The following GALNT13 variants were observed in gnomAD, a reference collection of about 807,000 sequenced individuals.
GALNT13 encodes the protein UDP-GalNAc:polypeptide N-acetylgalactosaminyltransferase 13.
GALNT13 carries 28 observed loss-of-function variants against 64.2 expected under a neutral mutation model. The observed-to-expected ratio is 0.44, with a 90% CI of 0.32 to 0.60. The LOEUF is 0.60. Ranked by LOEUF, GALNT13 falls within the 20% of genes least tolerant of loss-of-function variation. The pLI is 0.05. For missense variants in GALNT13, 577 were observed against 669.8 expected (o/e 0.86, Z 1.53); for synonymous variants, 214 against 224.6 (o/e 0.95, Z 0.42).
chr2:153,727,399 TGGTAC>T, the GALNT13 span, among the ~76,000 whole-genome samples: 2 of 152,238 alleles, frequency 1.3e-5, no homozygotes, highest in East Asian at 1.9e-4. Context: ...TTGATGCATT[TGGTAC>T]TTTTTTTTAT....
the GALNT13 span, among the ~76,000 whole-genome samples, chr2:153,137,284 A>C: frequency 6.6e-6 from 1 of 152,078 alleles, no homozygotes; most frequent in Non-Finnish European, 1.5e-5. Flanking sequence ...GCAACTTGAT[A>C]TTTCTTATAT....
chr2:154,142,184 C>T (rs369838402), intron 4 of GALNT13, among the ~76,000 whole-genome samples: 5 of 152,116 alleles, frequency 3.3e-5, no homozygotes, highest in African/African-American at 1.2e-4. Context: ...GGCTACATTA[C>T]ACTACTGTGT....
the GALNT13 span, among the ~76,000 whole-genome samples, chr2:153,696,690 T>G: frequency 6.6e-6 from 1 of 152,258 alleles, no homozygotes; most frequent in East Asian, 1.9e-4. Flanking sequence ...CAAAATACGT[T>G]TGGACTGCAG....
At chr2:153,653,352 A>T in the GALNT13 span, among the ~76,000 whole-genome samples, 8 of 152,150 alleles carry the variant, frequency 5.3e-5, no homozygotes, top group African/African-American at 1.9e-4. Flanking sequence ...AAATGGCGAG[A>T]CCTTCATAAA....
chr2:153,405,412 G>A, the GALNT13 span, among the ~76,000 whole-genome samples: 1 of 152,154 alleles, frequency 6.6e-6, no homozygotes, highest in South Asian at 2.1e-4. Context: ...GTATCTTCAT[G>A]CCTTTGCATC....
chr2:153,997,743 A>T (rs973637195), intron 3 of GALNT13, among the ~76,000 whole-genome samples: 1 of 152,098 alleles, frequency 6.6e-6, no homozygotes. Context: ...TGCTGCACCC[A>T]TCAACCTGTC....
the GALNT13 span, among the ~76,000 whole-genome samples, chr2:153,605,764 G>A: frequency 2.2e-4 from 33 of 152,232 alleles, no homozygotes; most frequent in African/African-American, 7.7e-4. Context: ...GTTGGTCAGA[G>A]TTTTGAAAAT....
chr2:154,042,950 G>A (rs1699065869), intron 3 of GALNT13, among the ~76,000 whole-genome samples: 2 of 152,044 alleles, frequency 1.3e-5, no homozygotes, highest in Admixed American at 1.3e-4. Context: ...TGGAGAAATA[G>A]TGAAGGGTGG....
intron 3 of GALNT13, among the ~76,000 whole-genome samples, chr2:153,996,793 G>T (rs1164506542): frequency 3.3e-5 from 5 of 151,928 alleles, no homozygotes; most frequent in Admixed American, 6.6e-5. Flanking sequence ...TAATAGTTTT[G>T]TAGTTACAGG....
chr2:154,079,881 C>T (rs957155638), intron 3 of GALNT13, among the ~76,000 whole-genome samples: 1 of 151,516 alleles, frequency 6.6e-6, no homozygotes, highest in Non-Finnish European at 1.5e-5. Flanking sequence ...CTTTGCCCCT[C>T]CATTGGAGAA....
intron 9 of GALNT13, among the ~76,000 whole-genome samples, chr2:154,393,955 G>A (rs1203739819): frequency 1.3e-5 from 2 of 149,062 alleles, no homozygotes; most frequent in Non-Finnish European, 3.0e-5. Context: ...GCGGGCGCCT[G>A]TAGTCCCAGC....
the GALNT13 span, among the ~76,000 whole-genome samples, chr2:153,582,451 G>A: frequency 6.6e-6 from 1 of 152,078 alleles, no homozygotes; most frequent in Non-Finnish European, 1.5e-5. Context: ...ACTTGGTAAT[G>A]AGTAAAATTC....
the GALNT13 span, among the ~76,000 whole-genome samples, chr2:153,793,070 C>A: frequency 6.8e-6 from 1 of 147,448 alleles, no homozygotes; most frequent in African/African-American, 2.5e-5. Context: ...CTCCTGGGTT[C>A]AAGTGATTGT....
the GALNT13 span, among the ~76,000 whole-genome samples, chr2:153,317,284 A>C: frequency 1.4e-4 from 21 of 152,148 alleles, no homozygotes; most frequent in African/African-American, 5.1e-4. Context: ...TTGAAGAGAC[A>C]CTTTATCATT....
At chr2:153,472,882 C>T in the GALNT13 span, among the ~76,000 whole-genome samples, 2 of 152,116 alleles carry the variant, frequency 1.3e-5, no homozygotes, top group African/African-American at 4.8e-5. Flanking sequence ...AAAATACATG[C>T]AGGAACATGG....
chr2:154,300,169 C>G (rs1693356494), intron 8 of GALNT13, among the ~76,000 whole-genome samples: 2 of 133,770 alleles, frequency 1.5e-5, no homozygotes, highest in African/African-American at 5.6e-5. Flanking sequence ...GGCGCGTGAT[C>G]TCGGCTCACT....
chr2:153,359,472 C>G, the GALNT13 span, among the ~76,000 whole-genome samples: 1 of 150,650 alleles, frequency 6.6e-6, no homozygotes, highest in Admixed American at 6.6e-5. Flanking sequence ...ACAGGAAAAA[C>G]AGTCAGACTT....
chr2:153,110,283 T>C, the GALNT13 span, among the ~76,000 whole-genome samples: 2 of 152,114 alleles, frequency 1.3e-5, no homozygotes, highest in African/African-American at 4.8e-5. Context: ...GATAGCTTAA[T>C]AGTGGATATA....
At chr2:153,644,952 C>T in the GALNT13 span, among the ~76,000 whole-genome samples, 7 of 152,110 alleles carry the variant, frequency 4.6e-5, no homozygotes, top group African/African-American at 1.7e-4. Context: ...CTTCTCTGTA[C>T]TTACGGTCTT....
Sources: allele counts gnomAD v4.1 joint callset (sites outside exome capture counted in the v4.1 genomes callset), GRCh38; gene constraint gnomAD v4.1.1; transcripts MANE v1.5; gene names NCBI Gene and HGNC (gene_info 2026-07-23, HGNC 2026-07-21).